Variants in SCFD1 observed in about 807,000 individuals in gnomAD.
SCFD1 encodes sec1 family domain containing 1.
SCFD1 carries 37 observed loss-of-function variants against 103.2 expected under a neutral mutation model. The observed-to-expected ratio is 0.36, with a 90% CI of 0.28 to 0.47. The LOEUF is 0.47. Among genes scored for constraint, SCFD1 ranks in the 20% least tolerant of loss-of-function variants. The pLI, the probability that SCFD1 is intolerant of heterozygous loss-of-function variation, is 1.00. For missense variants in SCFD1, 639 were observed against 761.2 expected (o/e 0.84, Z 1.89); for synonymous variants, 264 against 245.0 (o/e 1.08, Z -0.73).
At chr14:30,667,754 C>T (rs185551575) in intron 10 of SCFD1, among the ~76,000 whole-genome samples, 7 of 152,178 alleles carry the variant, frequency 4.6e-5, no homozygotes, top group South Asian at 4.1e-4. Context: ...CATTCTTATA[C>T]GCAAATAACA....
intron 19 of SCFD1, among the ~76,000 whole-genome samples, chr14:30,711,418 G>A (rs1187935760): frequency 6.6e-6 from 1 of 152,120 alleles, no homozygotes; most frequent in Non-Finnish European, 1.5e-5. Context: ...GACCAGCCTG[G>A]GCAACATGGC....
intron 23 of SCFD1, among the ~76,000 whole-genome samples, chr14:30,731,155 G>T (rs1326693023): frequency 2.6e-5 from 4 of 152,128 alleles, no homozygotes; most frequent in African/African-American, 9.7e-5. Flanking sequence ...AAGATCAGAT[G>T]GTTGTAGATG....
chr14:30,652,299 A>G (rs1474898408), intron 9 of SCFD1: 1 of 152,038 alleles, frequency 6.6e-6, no homozygotes, highest in Admixed American at 6.6e-5. Flanking sequence ...TAACCAAATG[A>G]CTGTGCCTCA....
chr14:30,722,634 A>G (rs990204610), intron 23 of SCFD1, 75 bp downstream of exon 23: 11 of 789,882 alleles, frequency 1.4e-5, no homozygotes, highest in Admixed American at 2.7e-5. Flanking sequence ...TCTGATGGCT[A>G]TCCTGATCCT....
chr14:30,663,921 A>C (rs958793300), intron 10 of SCFD1, among the ~76,000 whole-genome samples: 57 of 152,168 alleles, frequency 3.7e-4, no homozygotes, highest in African/African-American at 1.4e-3. Context: ...AGGTGCTAAG[A>C]ATAGTGCCTT....
chr14:30,638,973 A>G (rs1268881365), intron 5 of SCFD1, among the ~76,000 whole-genome samples: 1 of 152,190 alleles, frequency 6.6e-6, no homozygotes, highest in Non-Finnish European at 1.5e-5. Context: ...ATAGACCACT[A>G]ATATTTCTGA....
At chr14:30,705,402 G>A (rs1891402010) in intron 17 of SCFD1, among the ~76,000 whole-genome samples, 1 of 152,188 alleles carries the variant, frequency 6.6e-6, no homozygotes, top group African/African-American at 2.4e-5. Context: ...CTCTACATCA[G>A]TTCTTTTTAT....
At chr14:30,684,223 C>T (rs79655891) in intron 14 of SCFD1, among the ~76,000 whole-genome samples, 5,211 of 152,278 alleles carry the variant, frequency 0.034, 136 homozygotes, top group Non-Finnish European at 0.056. Flanking sequence ...GTTACCCAGG[C>T]TGCTGTTGAA....
rs1474748365 is a variant in SCFD1, at chr14:30,635,691, G to A, written c.312+1654G>A. On this transcript the variant is annotated intron_variant, in intron 4 of 24. Transcript: ENST00000458591. ...GACATTTGGATTGTTTCTACCTTTT[G>A]GCTATTAATAATGTTGCCATAAATA... is the stretch of plus-strand genomic sequence containing the variant. 3.9e-5 allele frequency among the ~76,000 whole-genome samples: 6 copies of A among 151,906 alleles called. No homozygotes were observed. The East Asian group carries it at 7.7e-4, about 20-fold the overall frequency.
At chr14:30,636,784 CTTA>C (rs1485950102) in intron 4 of SCFD1, among the ~76,000 whole-genome samples, 1 of 151,914 alleles carries the variant, frequency 6.6e-6, no homozygotes, top group Non-Finnish European at 1.5e-5. Context: ...GTGTTTAATG[CTTA>C]TTATGAATGG....
rs1886600113 is a variant in SCFD1 at position 30,653,501 on chromosome 14, C to T, written c.768C>T (p.Pro256=). 6.2e-7 allele frequency: 1 copy of T among 1,611,480 alleles called. No homozygotes were observed. The highest frequency in any genetic ancestry group is 8.5e-7 in the Non-Finnish European group (1 of 1,178,018). ...LGAGQFSFQR[P]LLVLVDRNID... ...TGTATATTTACAGCTTCCAGAGGCC[C>T]TTATTAGTCCTTGTTGACAGAAACA... The change falls in exon 10 of 25, where the codon CCC becomes CCT. Residue 256 remains proline, a synonymous_variant. Coordinates refer to ENST00000458591, the MANE Select transcript of SCFD1 (RefSeq NM_016106.4).
intron 10 of SCFD1, among the ~76,000 whole-genome samples, chr14:30,662,984 T>C (rs1887585758): frequency 6.6e-6 from 1 of 152,234 alleles, no homozygotes; most frequent in South Asian, 2.1e-4. Context: ...TGTTGTCTTA[T>C]TTGTGTATAA....
intron 10 of SCFD1, among the ~76,000 whole-genome samples, chr14:30,665,434 A>AAC (rs1406680726): frequency 6.6e-6 from 1 of 152,218 alleles, no homozygotes; most frequent in Non-Finnish European, 1.5e-5. Context: ...GCCACTGCAA[A>AAC]AACATGCCAA....
chr14:30,663,155 T>C lies in SCFD1; in HGVS notation c.856-7101T>C, dbSNP rs180780061. Among the ~76,000 whole-genome samples, 272 of 152,312 alleles carry C rather than the reference T, an allele frequency of 1.8e-3. 2 individuals are homozygous for C. The highest frequency in any genetic ancestry group is 6.4e-3 in the African/African-American group (266 of 41,570). On this transcript the variant is annotated intron_variant, in intron 10 of 24. Transcript: ENST00000458591. ...GAATTCTTAACATCTTTTATTCCTTTATTATTTTGTGTTTTAAGTATTCCA... is the reference window on the plus strand; with the variant it reads ...GAATTCTTAACATCTTTTATTCCTTCATTATTTTGTGTTTTAAGTATTCCA...
At position 30,715,930 on chromosome 14, in the gene SCFD1, C is replaced by A. The variant is rs1280058325; in HGVS notation, c.1636C>A (p.Pro546Thr). The change falls in exon 20 of 25, where the codon CCT (proline) becomes ACT (threonine). Residue 546 changes from proline to threonine, a missense_variant. Transcript: ENST00000458591. The part of the protein sequence containing the change: ...KNLVLKQQNL[P>T]VTRILDNLME... ...ACAAAATACTTTTCCACAGAATCTA[C>A]CTGTTACTCGTATTTTGGACAATCT... is the stretch of plus-strand genomic sequence containing the variant. 4 of 1,542,526 alleles carry A rather than the reference C, an allele frequency of 2.6e-6. No individual in the cohort carries two copies. Among genetic ancestry groups the A allele is most frequent in the Non-Finnish European group, 2.7e-6 (3 of 1,131,444 alleles).
At chr14:30,653,719 G>T in intron 10 of SCFD1, 131 bp downstream of exon 10, 1 of 587,050 alleles carries the variant, frequency 1.7e-6, no homozygotes, top group African/African-American at 1.9e-5. Flanking sequence ...AACAAAACAA[G>T]TGATGGGATT....
At chr14:30,624,701 T>C (rs1420290194) in intron 1 of SCFD1, among the ~76,000 whole-genome samples, 2 of 152,206 alleles carry the variant, frequency 1.3e-5, no homozygotes, top group Non-Finnish European at 2.9e-5. Context: ...ATATGTTTGC[T>C]CAAAATCTTC....
chr14:30,673,299 A>G lies in SCFD1; in HGVS notation c.1038A>G (p.Glu346=). The part of the protein sequence containing the change: ...EVAESVQQEL[E]SYRAQEDEVK... The stretch of plus-strand genomic sequence containing the variant: ...CAGAATCAGTTCAGCAAGAACTAGA[A>G]TCTTACAGAGCACAGGAAGATGAGG... The change falls in exon 12 of 25, where the codon GAA becomes GAG. Residue 346 remains glutamate, a synonymous_variant. Coordinates refer to ENST00000458591, the MANE Select transcript of SCFD1 (RefSeq NM_016106.4). 3.1e-6 allele frequency: 5 copies of G among 1,600,480 alleles called. No individual in the cohort carries two copies. Among genetic ancestry groups the G allele is most frequent in the Non-Finnish European group, 4.3e-6 (5 of 1,171,818 alleles).
intron 23 of SCFD1, among the ~76,000 whole-genome samples, chr14:30,724,245 G>GTTTTTTTTTT (rs58612669): frequency 1.3e-4 from 9 of 69,678 alleles, no homozygotes; most frequent in African/African-American, 6.2e-4. Context: ...TTTTTTATGG[G>GTTTTTTTTTT]TTTTTTTTTT....
Sources: allele counts gnomAD v4.1 joint callset (sites outside exome capture counted in the v4.1 genomes callset), GRCh38; gene constraint gnomAD v4.1.1; transcripts MANE v1.5; gene names NCBI Gene and HGNC (gene_info 2026-07-23, HGNC 2026-07-21).